HTRA1: variants seen among roughly 807,000 people sequenced by gnomAD.
The protein encoded by HTRA1 is serine protease HTRA1.
In HTRA1, 26 loss-of-function variants were observed where a neutral mutation model predicts 49.7. The ratio of observed to expected loss-of-function variants is 0.52; its 90% CI spans 0.38 to 0.73. The LOEUF (loss-of-function observed/expected upper bound fraction) is 0.73. Among genes scored for constraint, HTRA1 ranks in the 30% least tolerant of loss-of-function variants. The pLI is 0.00. For synonymous variants in HTRA1, 291 were observed against 286.9 expected, an observed-to-expected ratio of 1.01 and a Z score of -0.14; for missense variants, 561 against 667.2, an observed-to-expected ratio of 0.84 and a Z score of 1.75.
chr10:122,511,756 AAAT>A (rs2097505724), intron 7 of HTRA1, among the ~76,000 whole-genome samples: 1 of 150,006 alleles, frequency 6.7e-6, no homozygotes. Flanking sequence ...TAAATAAAAA[AAAT>A]AAATAAATAA....
intron 3 of HTRA1, among the ~76,000 whole-genome samples, chr10:122,499,610 T>C (rs1340038659): frequency 6.6e-6 from 1 of 152,168 alleles, no homozygotes; most frequent in African/African-American, 2.4e-5. Flanking sequence ...TTACCCAGCT[T>C]GGCGCACTCC....
chr10:122,466,332 A>T lies in HTRA1; in HGVS notation c.472+4208A>T, dbSNP rs376244581. On this transcript the variant is annotated intron_variant, in intron 1 of 8. Coordinates refer to ENST00000368984, the MANE Select transcript of HTRA1 (RefSeq NM_002775.5). ...AGGCACCCGCCACCACGCCCAGCTA[A>T]TTTTTTTGTATTTTTTGGTAGAGAC... 2.9e-3 allele frequency among the ~76,000 whole-genome samples: 439 copies of T among 152,050 alleles called. 1 individual carries two copies. Among genetic ancestry groups the T allele is most frequent in the African/African-American group, 0.01 (423 of 41,462 alleles).
rs373005139 is a variant in HTRA1, at chr10:122,474,774, A to G, written c.472+12650A>G. ...GAGGCATCTGAAAAAAAAAATGTGC[A>G]GTGGAATTGATTGGAAGCTTTTCCC... On this transcript the variant is annotated intron_variant, in intron 1 of 8. Coordinates refer to ENST00000368984, the MANE Select transcript of HTRA1 (RefSeq NM_002775.5). Among the ~76,000 whole-genome samples, 50 of 152,326 alleles carry G rather than the reference A, an allele frequency of 3.3e-4. No homozygotes were observed. The East Asian group carries it at 6.8e-3, about 21-fold the overall frequency.
At position 122,464,306 on chromosome 10, in the gene HTRA1, A is replaced by G. The variant is rs990888278; in HGVS notation, c.472+2182A>G. On this transcript the variant is annotated intron_variant, in intron 1 of 8. Coordinates refer to ENST00000368984, the MANE Select transcript of HTRA1 (RefSeq NM_002775.5). The surrounding 1 kb of genome is among the most constrained non-coding windows in gnomAD (Gnocchi z 4.8). ...GCTGAGTCCCTGTGTGGAGGAAAACAGGTCCCCCATTGGCCATCGGGCTCA... is the reference window on the plus strand; with the variant it reads ...GCTGAGTCCCTGTGTGGAGGAAAACGGGTCCCCCATTGGCCATCGGGCTCA... Among the ~76,000 whole-genome samples, 4 of 152,182 alleles carry G rather than the reference A, an allele frequency of 2.6e-5. No homozygotes were observed. Among genetic ancestry groups the G allele is most frequent in the Non-Finnish European group, 5.9e-5 (4 of 68,036 alleles).
At chr10:122,463,676 C>T (rs566196668) in intron 1 of HTRA1, among the ~76,000 whole-genome samples, 2 of 152,184 alleles carry the variant, frequency 1.3e-5, no homozygotes, top group Admixed American at 6.5e-5. Context: ...TTCTCATTCC[C>T]GTTTTACAGA....
rs761964682 is a variant in HTRA1, at chr10:122,514,263, C to T, written c.1347C>T (p.Ser449=). 3.0e-5 allele frequency: 49 copies of T among 1,613,240 alleles called. No homozygotes were observed. Among genetic ancestry groups the T allele is most frequent in the South Asian group, 1.4e-4 (13 of 91,064 alleles). The change falls in exon 9 of 9, where the codon AGC becomes AGT. Residue 449 remains serine, a synonymous_variant. Coordinates refer to ENST00000368984, the MANE Select transcript of HTRA1 (RefSeq NM_002775.5). The part of the protein sequence containing the change: ...GQSVVSANDV[S]DVIKRESTLN... ...CCGTGGTCTCCGCCAATGATGTCAG[C>T]GACGTCATTAAAAGGGAAAGCACCC...
chr10:122,488,378 G>C (rs1375008104), intron 1 of HTRA1, among the ~76,000 whole-genome samples: 1 of 152,046 alleles, frequency 6.6e-6, no homozygotes, highest in East Asian at 1.9e-4. Context: ...GACCAGCCTG[G>C]CCAACGTGGT....
intron 1 of HTRA1, among the ~76,000 whole-genome samples, chr10:122,471,769 C>T (rs1277520341): frequency 6.6e-6 from 1 of 152,182 alleles, no homozygotes. Context: ...CCTTTGAGCC[C>T]TCCGCATCTC....
intron 1 of HTRA1, among the ~76,000 whole-genome samples, chr10:122,465,510 G>C (rs767905835): frequency 1.3e-5 from 2 of 152,208 alleles, no homozygotes; most frequent in Non-Finnish European, 2.9e-5. Context: ...TGGATGGAGA[G>C]CCTCGTTCAT....
chr10:122,488,801 C>A, intron 1 of HTRA1, 101 bp from the exon 2 acceptor site: 1 of 955,590 alleles, frequency 1.0e-6, no homozygotes, highest in Non-Finnish European at 1.7e-6. Flanking sequence ...TTCAGAATTC[C>A]AAAGGCTGGG....
Position 122,494,624 on chromosome 10 carries a change from TC to T in HTRA1, c.777+5001del, listed in dbSNP as rs1468968556. On this transcript the variant is annotated intron_variant, in intron 3 of 8. Coordinates refer to ENST00000368984, the MANE Select transcript of HTRA1 (RefSeq NM_002775.5). The surrounding 1 kb of genome is among the most constrained non-coding windows in gnomAD (Gnocchi z 4.0). ...GTTGAGGCTTGTGAGGTGGTTTTCC[TC>T]CCTCCCCTGTAGGCCTGCGCCACCC... Among the ~76,000 whole-genome samples, 2 of 152,042 alleles carry T rather than the reference TC, an allele frequency of 1.3e-5. No individual in the cohort carries two copies. Among genetic ancestry groups the T allele is most frequent in the African/African-American group, 4.8e-5 (2 of 41,400 alleles).
At chr10:122,495,975 C>T (rs943378074) in intron 3 of HTRA1, among the ~76,000 whole-genome samples, 4 of 152,130 alleles carry the variant, frequency 2.6e-5, no homozygotes, top group Non-Finnish European at 4.4e-5. Flanking sequence ...TCAGTCTACA[C>T]CAGCAGAGTT....
At position 122,494,398 on chromosome 10, in the gene HTRA1, G is replaced by A. The variant is rs1280136194; in HGVS notation, c.777+4772G>A. Among the ~76,000 whole-genome samples the A allele has an allele frequency of 6.6e-6, 1 of 152,146 alleles. No individual in the cohort carries two copies. The highest frequency in any genetic ancestry group is 2.4e-5 in the African/African-American group (1 of 41,434). On this transcript the variant is annotated intron_variant, in intron 3 of 8. Coordinates refer to ENST00000368984, the MANE Select transcript of HTRA1 (RefSeq NM_002775.5). The surrounding 1 kb of genome is among the most constrained non-coding windows in gnomAD (Gnocchi z 4.0). ...GAGCTTCCCTCCTATATTCAATGAG[G>A]AAATGACCCTGCAGAAGGCTGGCTG...
At chr10:122,477,228 A>G (rs1296516670) in intron 1 of HTRA1, among the ~76,000 whole-genome samples, 1 of 152,210 alleles carries the variant, frequency 6.6e-6, no homozygotes, top group South Asian at 2.1e-4. Flanking sequence ...TGGCCTCCCA[A>G]AGCGCTGGGA....
chr10:122,502,927 C>T (rs1042223936), intron 3 of HTRA1, among the ~76,000 whole-genome samples: 8 of 152,214 alleles, frequency 5.3e-5, no homozygotes, highest in African/African-American at 1.4e-4. Flanking sequence ...GTGGGACTCG[C>T]GTGCCCTCTT....
intron 3 of HTRA1, among the ~76,000 whole-genome samples, chr10:122,492,610 A>G (rs1237811804): frequency 6.6e-6 from 1 of 152,206 alleles, no homozygotes; most frequent in African/African-American, 2.4e-5. Context: ...CTGGGATTAC[A>G]GGTGTGAGCC....
At chr10:122,481,582 G>A (rs2097491009) in intron 1 of HTRA1, among the ~76,000 whole-genome samples, 2 of 152,158 alleles carry the variant, frequency 1.3e-5, no homozygotes, top group South Asian at 4.2e-4. Context: ...GCCTATGCAG[G>A]GATTCAGGCC....
intron 1 of HTRA1, among the ~76,000 whole-genome samples, chr10:122,474,858 T>C (rs1462045571): frequency 1.3e-5 from 2 of 152,068 alleles, no homozygotes; most frequent in Non-Finnish European, 2.9e-5. Context: ...TCAAACCCAA[T>C]AGATCAAGCA....
chr10:122,497,578 G>T (rs2097499280), intron 3 of HTRA1, among the ~76,000 whole-genome samples: 1 of 152,142 alleles, frequency 6.6e-6, no homozygotes, highest in South Asian at 2.1e-4. Context: ...ACAGCCGGGA[G>T]ATACAAGCTG....
Sources: gnomAD v4.1 joint callset for allele counts (sites outside exome capture counted in the v4.1 genomes callset) on GRCh38, gnomAD v4.1.1 for gene constraint, Gnocchi (gnomAD v3.1) non-coding constraint, MANE v1.5 for transcripts, NCBI Gene and HGNC (gene_info 2026-07-23, HGNC 2026-07-21) for gene names.